THSD7A: variants seen among roughly 807,000 people sequenced by gnomAD.
The protein encoded by THSD7A is thrombospondin type-1 domain-containing protein 7A.
A neutral mutation model predicts 231.3 loss-of-function variants in THSD7A; 96 were observed. The ratio of observed to expected loss-of-function variants is 0.41; its 90% CI spans 0.35 to 0.49. THSD7A has a LOEUF of 0.49. Among genes scored for constraint, THSD7A ranks in the 20% least tolerant of loss-of-function variants. The pLI is 0.05. For synonymous variants in THSD7A, 940 were observed against 743.3 expected, an observed-to-expected ratio of 1.26 and a Z score of -4.30; for missense variants, 2,290 against 2,070.2, an observed-to-expected ratio of 1.11 and a Z score of -2.06.
chr7:11,550,261 C>T (rs765638783), intron 4 of THSD7A, among the ~76,000 whole-genome samples: 2 of 151,982 alleles, frequency 1.3e-5, no homozygotes, highest in Non-Finnish European at 2.9e-5. Flanking sequence ...AATAAAATAC[C>T]TAGGAACACA....
chr7:11,596,750 A>C (rs1326826853), intron 2 of THSD7A, among the ~76,000 whole-genome samples: 6 of 152,184 alleles, frequency 3.9e-5, no homozygotes, highest in African/African-American at 1.4e-4. Flanking sequence ...ATGACAGTGG[A>C]TTATCGTCAG....
intron 6 of THSD7A, among the ~76,000 whole-genome samples, chr7:11,518,537 A>T (rs1788129261): frequency 6.6e-6 from 1 of 152,060 alleles, no homozygotes; most frequent in South Asian, 2.1e-4. Flanking sequence ...ACGAGGTAAG[A>T]CAAGAATTCT....
At chr7:11,702,296 G>A (rs1322581614) in intron 1 of THSD7A, among the ~76,000 whole-genome samples, 1 of 151,126 alleles carries the variant, frequency 6.6e-6, no homozygotes, top group African/African-American at 2.4e-5. Flanking sequence ...TGTCTGAAAG[G>A]TCTGGCGAAA....
chr7:11,566,475 T>C (rs772104808), intron 4 of THSD7A, among the ~76,000 whole-genome samples: 4 of 152,162 alleles, frequency 2.6e-5, no homozygotes, highest in Non-Finnish European at 5.9e-5. Context: ...AGATCACCCT[T>C]TGAGGAACAC....
intron 4 of THSD7A, among the ~76,000 whole-genome samples, chr7:11,578,674 T>G (rs1004737734): frequency 6.6e-6 from 1 of 152,186 alleles, no homozygotes; most frequent in Non-Finnish European, 1.5e-5. Flanking sequence ...TAAAGGAAGA[T>G]GATTAAGGTC....
At position 11,618,398 on chromosome 7, in the gene THSD7A, TG is replaced by T. The variant is rs374665315; in HGVS notation, c.1022+17731del. ...CTAAAAATGAGCAAGATAAATTGTG[TG>T]TATGTGTAAAATCAGTATGTGTAGG... On this transcript the variant is annotated intron_variant, in intron 2 of 27. Coordinates refer to ENST00000423059, the MANE Select transcript of THSD7A (RefSeq NM_015204.3). Among the ~76,000 whole-genome samples, 33 of 152,288 alleles carry T rather than the reference TG, an allele frequency of 2.2e-4. 1 individual carries two copies. The highest frequency in any genetic ancestry group is 3.4e-3 in the Middle Eastern group (1 of 294).
intron 1 of THSD7A, among the ~76,000 whole-genome samples, chr7:11,726,281 C>T (rs996899037): frequency 6.6e-6 from 1 of 151,878 alleles, no homozygotes; most frequent in East Asian, 2.0e-4. Context: ...GAAAATGAAC[C>T]TTTCTATTAA....
chr7:11,785,332 C>T (rs774133758), intron 1 of THSD7A, among the ~76,000 whole-genome samples: 12 of 152,018 alleles, frequency 7.9e-5, no homozygotes, highest in Non-Finnish European at 1.6e-4. Context: ...GGACTCCTGG[C>T]CTCAAGTGAA....
At chr7:11,772,678 C>T (rs549976119) in intron 1 of THSD7A, among the ~76,000 whole-genome samples, 1 of 152,170 alleles carries the variant, frequency 6.6e-6, no homozygotes, top group South Asian at 2.1e-4. Flanking sequence ...TACATGGACA[C>T]AAACATGGGA....
intron 1 of THSD7A, among the ~76,000 whole-genome samples, chr7:11,665,141 C>T (rs903594147): frequency 6.6e-6 from 1 of 151,974 alleles, no homozygotes; most frequent in South Asian, 2.1e-4. Flanking sequence ...AAAAAATTAT[C>T]GGTTCTTTCT....
At chr7:11,595,813 G>A (rs1284274149) in intron 2 of THSD7A, among the ~76,000 whole-genome samples, 1 of 152,226 alleles carries the variant, frequency 6.6e-6, no homozygotes, top group Non-Finnish European at 1.5e-5. Flanking sequence ...ATCCTGAGGT[G>A]GCAAGGGCCA....
In THSD7A at chr7:11,469,694, C is replaced by G. The variant is rs141222503; in HGVS notation, c.2368+185G>C. ...TCAAGCCAGGTTTTGGCATAAACCT[C>G]ACTTGTCTGGTATTCTAAAGCTATG... On this transcript the variant is annotated intron_variant, in intron 9 of 27. Transcript: ENST00000423059. 3.3e-5 allele frequency among the ~76,000 whole-genome samples: 5 copies of G among 152,268 alleles called. No homozygotes were observed. The East Asian group carries it at 9.7e-4, about 29-fold the overall frequency.
intron 6 of THSD7A, among the ~76,000 whole-genome samples, chr7:11,505,869 G>A (rs1787523530): frequency 6.6e-6 from 1 of 152,166 alleles, no homozygotes; most frequent in African/African-American, 2.4e-5. Flanking sequence ...TCATTATCTA[G>A]TTTCTTCTTC....
At chr7:11,638,516 C>T (rs898375699) in intron 1 of THSD7A, among the ~76,000 whole-genome samples, 6 of 152,150 alleles carry the variant, frequency 3.9e-5, no homozygotes, top group Non-Finnish European at 8.8e-5. Context: ...AATTTCCTTA[C>T]AAATGGCATT....
At chr7:11,490,025 T>C (rs1168328459) in intron 6 of THSD7A, among the ~76,000 whole-genome samples, 4 of 152,106 alleles carry the variant, frequency 2.6e-5, no homozygotes, top group Non-Finnish European at 5.9e-5. Flanking sequence ...TGCCTATGTT[T>C]CCACTATGCT....
chr7:11,626,417 T>C (rs1781474159), intron 2 of THSD7A, among the ~76,000 whole-genome samples: 1 of 152,136 alleles, frequency 6.6e-6, no homozygotes, highest in African/African-American at 2.4e-5. Context: ...CAACTTTTCA[T>C]ATATCAAGCA....
chr7:11,418,470 T>C (rs1784034562), intron 16 of THSD7A, among the ~76,000 whole-genome samples: 1 of 152,198 alleles, frequency 6.6e-6, no homozygotes, highest in Admixed American at 6.5e-5. Flanking sequence ...ATCTCTCATG[T>C]GTAACTTGGA....
At chr7:11,796,344 G>C (rs5018923) in intron 1 of THSD7A, among the ~76,000 whole-genome samples, 1 of 128,398 alleles carries the variant, frequency 7.8e-6, no homozygotes, top group East Asian at 2.1e-4. Context: ...CATCCACTTT[G>C]AAAAAAAAAG....
At chr7:11,549,431 T>C (rs1055380934) in intron 4 of THSD7A, among the ~76,000 whole-genome samples, 7 of 152,184 alleles carry the variant, frequency 4.6e-5, no homozygotes, top group Non-Finnish European at 7.3e-5. Context: ...TTACTGGGTA[T>C]ATACCCAGAT....
Sources: allele counts gnomAD v4.1 joint callset (sites outside exome capture counted in the v4.1 genomes callset), GRCh38; gene constraint gnomAD v4.1.1; transcripts MANE v1.5; gene names NCBI Gene and HGNC (gene_info 2026-07-23, HGNC 2026-07-21).